Variants in UNC5C observed in about 807,000 individuals in gnomAD.
UNC5C encodes netrin receptor UNC5C.
A neutral mutation model predicts 99.8 loss-of-function variants in UNC5C; 47 were observed. That is an observed-to-expected ratio of 0.47 (90% CI 0.37 to 0.60). UNC5C has a LOEUF of 0.60. Among genes scored for constraint, UNC5C ranks in the 20% least tolerant of loss-of-function variants. UNC5C has a pLI of 0.00. For synonymous variants in UNC5C, 487 were observed against 452.2 expected (o/e 1.08, Z -0.98); for missense variants, 1,062 against 1,165.9 (o/e 0.91, Z 1.30).
chr4:95,404,153 G>A (rs1745772458), intron 1 of UNC5C, among the ~76,000 whole-genome samples: 1 of 151,962 alleles, frequency 6.6e-6, no homozygotes, highest in Non-Finnish European at 1.5e-5. Flanking sequence ...ATTTATAATT[G>A]CTGCTTATTT....
intron 1 of UNC5C, among the ~76,000 whole-genome samples, chr4:95,338,322 T>G (rs1045002890): frequency 2.0e-5 from 3 of 152,080 alleles, no homozygotes; most frequent in Non-Finnish European, 4.4e-5. Flanking sequence ...TTTACGAAAC[T>G]GTATCCTAAC....
At chr4:95,334,645 G>A (rs1743261655) in intron 2 of UNC5C, among the ~76,000 whole-genome samples, 1 of 151,864 alleles carries the variant, frequency 6.6e-6, no homozygotes, top group Non-Finnish European at 1.5e-5. Flanking sequence ...GCAGAAAATT[G>A]CTATCCTTTA....
chr4:95,355,014 T>C (rs1744129196), intron 1 of UNC5C, among the ~76,000 whole-genome samples: 1 of 152,194 alleles, frequency 6.6e-6, no homozygotes, highest in Non-Finnish European at 1.5e-5. Flanking sequence ...TTTGAATAAA[T>C]GATTGCAGAG....
chr4:95,177,125 G>T (rs575537268), intron 14 of UNC5C, among the ~76,000 whole-genome samples: 3 of 152,200 alleles, frequency 2.0e-5, no homozygotes, highest in African/African-American at 7.2e-5. Flanking sequence ...CGCACCCACT[G>T]ACCTGCGCCC....
At chr4:95,337,255 A>T (rs1743386198) in intron 1 of UNC5C, among the ~76,000 whole-genome samples, 1 of 151,950 alleles carries the variant, frequency 6.6e-6, no homozygotes. Flanking sequence ...ATGTTTGTAC[A>T]CATAAAACAT....
At chr4:95,426,122 G>A (rs566669036) in intron 1 of UNC5C, among the ~76,000 whole-genome samples, 1 of 152,202 alleles carries the variant, frequency 6.6e-6, no homozygotes, top group Admixed American at 6.5e-5. Context: ...GTTTATCTGT[G>A]CCATTTTTCC....
intron 1 of UNC5C, among the ~76,000 whole-genome samples, chr4:95,510,091 C>T (rs1722030667): frequency 6.6e-6 from 1 of 151,860 alleles, no homozygotes; most frequent in East Asian, 1.9e-4. Flanking sequence ...ATATCAATGT[C>T]ATATATTAAA....
At chr4:95,506,145 T>G (rs1162288665) in intron 1 of UNC5C, among the ~76,000 whole-genome samples, 1 of 152,102 alleles carries the variant, frequency 6.6e-6, no homozygotes, top group East Asian at 1.9e-4. Flanking sequence ...GCCATTTATT[T>G]TTATTACTTT....
intron 1 of UNC5C, among the ~76,000 whole-genome samples, chr4:95,347,653 G>A (rs79641103): frequency 0.011 from 1,721 of 152,024 alleles, 26 homozygotes; most frequent in African/African-American, 0.039. Flanking sequence ...CATATACACT[G>A]GAAAAAGGAC....
chr4:95,276,600 G>T (rs1331679322), intron 4 of UNC5C, among the ~76,000 whole-genome samples: 1 of 152,186 alleles, frequency 6.6e-6, no homozygotes, highest in Non-Finnish European at 1.5e-5. Context: ...GGGTTTTAAG[G>T]TGGTTTCATG....
chr4:95,186,326 T>G (rs116238005), intron 12 of UNC5C, among the ~76,000 whole-genome samples: 1 of 152,206 alleles, frequency 6.6e-6, no homozygotes, highest in Non-Finnish European at 1.5e-5. Flanking sequence ...TCATTCAGAC[T>G]GTAACATGCA....
chr4:95,260,774 T>C (rs1740191085), intron 4 of UNC5C, among the ~76,000 whole-genome samples: 1 of 152,028 alleles, frequency 6.6e-6, no homozygotes, highest in Admixed American at 6.6e-5. Context: ...ACATTTTCCT[T>C]GTGCTGAAAT....
At chr4:95,421,287 G>T (rs1405750875) in intron 1 of UNC5C, among the ~76,000 whole-genome samples, 1 of 152,046 alleles carries the variant, frequency 6.6e-6, no homozygotes, top group African/African-American at 2.4e-5. Context: ...CTTCATAAAG[G>T]TTGGCCATGC....
chr4:95,226,061 G>A (rs1579247062), intron 7 of UNC5C, among the ~76,000 whole-genome samples: 1 of 152,236 alleles, frequency 6.6e-6, no homozygotes, highest in East Asian at 1.9e-4. Context: ...TGACCCTGCT[G>A]AGAGTAGTCC....
chr4:95,445,828 G>A (rs1228803163), intron 1 of UNC5C, among the ~76,000 whole-genome samples: 7 of 152,184 alleles, frequency 4.6e-5, no homozygotes, highest in African/African-American at 1.7e-4. Context: ...CAGCTGCTCA[G>A]TGAAACACAG....
intron 1 of UNC5C, among the ~76,000 whole-genome samples, chr4:95,449,514 TAAC>T (rs1305978875): frequency 6.6e-6 from 1 of 152,178 alleles, no homozygotes; most frequent in Non-Finnish European, 1.5e-5. Flanking sequence ...GCTCATAAAA[TAAC>T]AAAAATCTTT....
chr4:95,467,789 C>A (rs1294493418), intron 1 of UNC5C, among the ~76,000 whole-genome samples: 1 of 152,054 alleles, frequency 6.6e-6, no homozygotes, highest in Non-Finnish European at 1.5e-5. Context: ...TGACTGGAAG[C>A]CTTACCAATA....
rs182470136 is a variant in UNC5C at position 95,293,040 on chromosome 4, C to T, written c.490+8566G>A. ...TTAGGCAAGTGACAGGGTTGAGGCC[C>T]GGATAGACAGACCCCTCTATAGGAG... On this transcript the variant is annotated intron_variant, in intron 3 of 15. Transcript: ENST00000453304. Among the ~76,000 whole-genome samples the T allele has an allele frequency of 3.2e-3, 480 of 152,142 alleles. 2 individuals carry two copies. Among genetic ancestry groups the T allele is most frequent in the African/African-American group, 4.9e-3 (203 of 41,492 alleles).
Position 95,220,188 on chromosome 4 carries a change from A to G in UNC5C, c.1109-12T>C. On this transcript the variant is annotated splice_polypyrimidine_tract_variant and intron_variant, in intron 7 of 15. Coordinates refer to ENST00000453304, the MANE Select transcript of UNC5C (RefSeq NM_003728.4). ...TGAATCAGGAGCAGCTAGAGAGGAG[A>G]GTGAAACATTGAACCAGCTGCTTAT... 1 of 1,606,806 alleles carries G rather than the reference A, an allele frequency of 6.2e-7. No homozygotes were observed. The highest frequency in any genetic ancestry group is 8.5e-7 in the Non-Finnish European group (1 of 1,175,696).
Sources: allele counts gnomAD v4.1 joint callset (sites outside exome capture counted in the v4.1 genomes callset), GRCh38; gene constraint gnomAD v4.1.1; transcripts MANE v1.5; gene names NCBI Gene and HGNC (gene_info 2026-07-23, HGNC 2026-07-21).